The following SH3BGR variants were observed in gnomAD, a reference collection of about 807,000 sequenced individuals.
The protein encoded by SH3BGR is SH3 domain binding glutamate rich protein.
In SH3BGR, 29 loss-of-function variants were observed where a neutral mutation model predicts 24.5. That is an observed-to-expected ratio of 1.18 (90% CI 0.88 to 1.61). The LOEUF (loss-of-function observed/expected upper bound fraction) is 1.61. SH3BGR is among the 40% of genes most tolerant of loss of function. The probability of loss-of-function intolerance (pLI) is 0.00; values close to 1 mark genes in which losing one functional copy is unlikely to be tolerated. For synonymous variants in SH3BGR, 55 were observed against 65.7 expected (o/e 0.84, Z 0.79); for missense variants, 162 against 205.8 (o/e 0.79, Z 1.30).
At chr21:39,504,938 G>A (rs1012007430) in intron 4 of SH3BGR, among the ~76,000 whole-genome samples, 1 of 152,052 alleles carries the variant, frequency 6.6e-6, no homozygotes, top group African/African-American at 2.4e-5. Flanking sequence ...TCAGCCTCCC[G>A]AGTAGCTGGG....
chr21:39,479,229 G>GTGGTGA (rs1555912275), intron 3 of SH3BGR, among the ~76,000 whole-genome samples: 3 of 142,020 alleles, frequency 2.1e-5, no homozygotes, highest in Admixed American at 7.0e-5. Context: ...GGTAAGGGTG[G>GTGGTGA]TGGTGGTGGT....
rs187376576 is a variant in SH3BGR at position 39,453,763 on chromosome 21, C to T, written c.45+1622C>T. On this transcript the variant is annotated intron_variant, in intron 1 of 6. Coordinates refer to ENST00000333634, the MANE Select transcript of SH3BGR (RefSeq NM_007341.3). The stretch of plus-strand genomic sequence containing the variant: ...CCTTGTTAAGCCTCAATTTCCTTGT[C>T]TGTAAAATGAGGATAAGAATAGTGC... Among the ~76,000 whole-genome samples, 4 of 152,276 alleles carry T rather than the reference C, an allele frequency of 2.6e-5. No individual in the cohort carries two copies. The East Asian group carries it at 5.8e-4, about 22-fold the overall frequency.
intron 2 of SH3BGR, among the ~76,000 whole-genome samples, chr21:39,463,634 C>T (rs1206791443): frequency 1.3e-5 from 2 of 152,180 alleles, no homozygotes; most frequent in African/African-American, 4.8e-5. Flanking sequence ...TTGTTTACTG[C>T]CACTGTCTGT....
chr21:39,471,487 G>A (rs1240756096), intron 2 of SH3BGR, among the ~76,000 whole-genome samples: 2 of 152,158 alleles, frequency 1.3e-5, no homozygotes, highest in Non-Finnish European at 2.9e-5. Context: ...CCTATAATCT[G>A]TATTTGCTTC....
At chr21:39,468,176 T>TA (rs111308532) in intron 2 of SH3BGR, among the ~76,000 whole-genome samples, 2 of 152,268 alleles carry the variant, frequency 1.3e-5, no homozygotes, top group African/African-American at 4.8e-5. Flanking sequence ...CTCAGGGCTG[T>TA]AAGGAAACAC....
intron 3 of SH3BGR, among the ~76,000 whole-genome samples, chr21:39,493,514 A>G (rs779466169): frequency 2.0e-5 from 3 of 152,232 alleles, no homozygotes; most frequent in African/African-American, 7.2e-5. Flanking sequence ...TTTGGTGACT[A>G]TGGCCTTATA....
rs991985944 is a variant in SH3BGR at position 39,484,981 on chromosome 21, A to G, written c.312+9766A>G. Among the ~76,000 whole-genome samples the G allele has an allele frequency of 3.9e-4, 60 of 152,220 alleles. 1 individual carries two copies. The highest frequency in any genetic ancestry group is 1.4e-3 in the African/African-American group (60 of 41,466). On this transcript the variant is annotated intron_variant, in intron 3 of 6. Coordinates refer to ENST00000333634, the MANE Select transcript of SH3BGR (RefSeq NM_007341.3). ...AGGTACTCTTGACAATTATGTAGAA[A>G]ATGCATGCTCATAAAACGTATCATC... is the stretch of plus-strand genomic sequence containing the variant.
intron 1 of SH3BGR, among the ~76,000 whole-genome samples, chr21:39,458,806 C>T (rs2077707176): frequency 6.6e-6 from 1 of 151,810 alleles, no homozygotes; most frequent in South Asian, 2.1e-4. Context: ...GCCACCACGC[C>T]TGGCTCATTT....
intron 3 of SH3BGR, among the ~76,000 whole-genome samples, chr21:39,485,993 C>T (rs2078207357): frequency 6.6e-6 from 1 of 152,130 alleles, no homozygotes; most frequent in African/African-American, 2.4e-5. Flanking sequence ...CGGCCGGTCT[C>T]AAAGTTCTTT....
intron 3 of SH3BGR, among the ~76,000 whole-genome samples, chr21:39,497,008 A>G (rs2078407784): frequency 6.6e-6 from 1 of 152,038 alleles, no homozygotes; most frequent in Non-Finnish European, 1.5e-5. Flanking sequence ...AGAGGAGCCA[A>G]GAAAATTTTG....
rs919467324 is a variant in SH3BGR, at chr21:39,466,319, C to T, written c.231+3759C>T. Among the ~76,000 whole-genome samples, 6 of 152,176 alleles carry T rather than the reference C, an allele frequency of 3.9e-5. No individual in the cohort carries two copies. The East Asian group carries it at 1.2e-3, about 29-fold the overall frequency. The stretch of plus-strand genomic sequence containing the variant: ...TTTCTTTCTTTATGGGTAAATTGAA[C>T]ATCTTTTAAAACTACATTTATAAAT... On this transcript the variant is annotated intron_variant, in intron 2 of 6. Transcript: ENST00000333634.
intron 4 of SH3BGR, among the ~76,000 whole-genome samples, chr21:39,502,386 G>T (rs900392485): frequency 6.6e-6 from 1 of 152,116 alleles, no homozygotes; most frequent in Admixed American, 6.6e-5. Context: ...CAAACTCCTG[G>T]CTCCGTTGAA....
intron 2 of SH3BGR, among the ~76,000 whole-genome samples, chr21:39,467,370 C>G (rs2077861895): frequency 6.6e-6 from 1 of 151,968 alleles, no homozygotes. Flanking sequence ...AATAAATATA[C>G]AAATTATTTC....
chr21:39,459,247 A>G (rs2077715302), intron 1 of SH3BGR, among the ~76,000 whole-genome samples: 1 of 141,418 alleles, frequency 7.1e-6, no homozygotes, highest in Non-Finnish European at 1.5e-5. Context: ...TTTTTTTGAG[A>G]CGGAGTCTCA....
At chr21:39,466,779 CAG>C (rs1180924078) in intron 2 of SH3BGR, among the ~76,000 whole-genome samples, 1 of 152,210 alleles carries the variant, frequency 6.6e-6, no homozygotes, top group Non-Finnish European at 1.5e-5. Flanking sequence ...TTCTATGAGA[CAG>C]ATTATGGGAA....
chr21:39,509,067 T>C lies in SH3BGR; in HGVS notation c.435+40T>C, dbSNP rs2078631348. ...CTTTAACAGCTGTGCTTAATCTGCTTAATAAAAACATCTTTTAGGTGGGAG... is the reference window on the plus strand; with the variant it reads ...CTTTAACAGCTGTGCTTAATCTGCTCAATAAAAACATCTTTTAGGTGGGAG... On this transcript the variant is annotated intron_variant, in intron 5 of 6. Transcript: ENST00000333634. The C allele has an allele frequency of 3.2e-6, 5 of 1,547,332 alleles. No individual in the cohort carries two copies. In the East Asian group the frequency reaches 1.1e-4, roughly 35 times the overall value.
chr21:39,491,284 G>A lies in SH3BGR; in HGVS notation c.313-8539G>A, dbSNP rs1280677642. 2.0e-5 allele frequency among the ~76,000 whole-genome samples: 3 copies of A among 151,860 alleles called. No homozygotes were observed. In the East Asian group the frequency reaches 5.8e-4, roughly 29 times the overall value. Reference sequence around the variant, plus strand: ...CCTGCCTCAGTCTCCCAAATAGCTGGGACTACAGGCGGGTGCCACCACACT... The same window carrying A: ...CCTGCCTCAGTCTCCCAAATAGCTGAGACTACAGGCGGGTGCCACCACACT... On this transcript the variant is annotated intron_variant, in intron 3 of 6. Coordinates refer to ENST00000333634, the MANE Select transcript of SH3BGR (RefSeq NM_007341.3).
chr21:39,457,466 T>C (rs2077679835), intron 1 of SH3BGR, among the ~76,000 whole-genome samples: 1 of 144,910 alleles, frequency 6.9e-6, no homozygotes, highest in Non-Finnish European at 1.5e-5. Context: ...TAAGATTATA[T>C]ATTATATAGT....
intron 4 of SH3BGR, among the ~76,000 whole-genome samples, chr21:39,500,548 A>G (rs112863222): frequency 1.3e-5 from 2 of 152,154 alleles, no homozygotes; most frequent in African/African-American, 4.8e-5. Flanking sequence ...GGGATGGGCC[A>G]CTTCTTCAAG....
Sources: allele counts gnomAD v4.1 joint callset (sites outside exome capture counted in the v4.1 genomes callset), GRCh38; gene constraint gnomAD v4.1.1; transcripts MANE v1.5; gene names NCBI Gene and HGNC (gene_info 2026-07-23, HGNC 2026-07-21).